ADRA1D: variants seen among roughly 807,000 people sequenced by gnomAD.
ADRA1D encodes alpha-1D adrenergic receptor.
A neutral mutation model predicts 18.6 loss-of-function variants in ADRA1D; 22 were observed. That is an observed-to-expected ratio of 1.19 (90% confidence interval 0.85 to 1.69). The LOEUF is 1.69. Ranked by LOEUF, ADRA1D falls within the 40% of genes most tolerant of loss-of-function variation. ADRA1D has a pLI of 0.00. For missense variants in ADRA1D, 840 were observed against 840.7 expected, an observed-to-expected ratio of 1.00 and a Z score of 0.01; for synonymous variants, 376 against 388.2, an observed-to-expected ratio of 0.97 and a Z score of 0.37.
At chr20:4,237,941 T>C (rs1475855024) in intron 1 of ADRA1D, among the ~76,000 whole-genome samples, 4 of 149,690 alleles carry the variant, frequency 2.7e-5, no homozygotes, top group Non-Finnish European at 4.4e-5. Context: ...CCTGAGAGGA[T>C]ATTCTTTTAA....
At chr20:4,237,092 G>A (rs933697600) in intron 1 of ADRA1D, among the ~76,000 whole-genome samples, 4 of 152,140 alleles carry the variant, frequency 2.6e-5, no homozygotes, top group Admixed American at 6.5e-5. Context: ...GGGTTTGTCT[G>A]GAAATGTGGA....
At chr20:4,235,172 C>T (rs1981061270) in intron 1 of ADRA1D, among the ~76,000 whole-genome samples, 1 of 152,180 alleles carries the variant, frequency 6.6e-6, no homozygotes, top group Non-Finnish European at 1.5e-5. Context: ...GGGTGTAGGT[C>T]AGAAGTCCTT....
intron 1 of ADRA1D, among the ~76,000 whole-genome samples, chr20:4,230,433 G>A (rs760370108): frequency 2.0e-5 from 3 of 152,192 alleles, no homozygotes; most frequent in Admixed American, 6.5e-5. Context: ...CGTCCTGTGC[G>A]GTAGATGTCC....
intron 1 of ADRA1D, among the ~76,000 whole-genome samples, chr20:4,231,071 T>TTC: frequency 1.1e-5 from 1 of 94,216 alleles, no homozygotes; most frequent in African/African-American, 4.4e-5. Flanking sequence ...TCTTTCTCTC[T>TTC]CTCTCTCTCT....
chr20:4,248,759 T>G lies in ADRA1D; in HGVS notation c.199A>C (p.Ser67Arg). Residue 67 changes from serine (S) to arginine (R), a missense_variant, in exon 1 of 2, where the codon AGC becomes CGC. By Grantham distance (110) the Ser-to-Arg change is moderately radical (BLOSUM62 -1). Transcript: ENST00000379453. ...VGAGSGEDNR[S>R]SAGEPGSAGA... The stretch of plus-strand genomic sequence containing the variant: ...GCGCTCCCCGGCTCCCCCGCGGAGC[T>G]CCGGTTGTCCTCGCCGCTGCCTGCG... 6.9e-7 allele frequency: 1 copy of G among 1,452,562 alleles called. No individual in the cohort carries two copies. Among genetic ancestry groups the G allele is most frequent in the South Asian group, 1.4e-5 (1 of 70,660 alleles). The allele number at this position is 1,452,562 out of a possible 1,614,324, so 90.0% of individuals were successfully genotyped here.
In ADRA1D at chr20:4,239,747, C is replaced by T. The variant is rs1981171987; in HGVS notation, c.1111+8100G>A. On this transcript the variant is annotated intron_variant, in intron 1 of 1. Coordinates refer to ENST00000379453, the MANE Select transcript of ADRA1D (RefSeq NM_000678.4). This position sits in a 1 kb window ranked among gnomAD's most constrained non-coding sequence, Gnocchi z 4.9. Reference sequence around the variant, plus strand: ...CATTACCATGGTACTCAAACAGCCTCAGTGGTCACGTCTGGAAAGAATGCT... The same window carrying T: ...CATTACCATGGTACTCAAACAGCCTTAGTGGTCACGTCTGGAAAGAATGCT... Among the ~76,000 whole-genome samples the T allele has an allele frequency of 1.3e-5, 2 of 152,200 alleles. No homozygotes were observed. Among genetic ancestry groups the T allele is most frequent in the Non-Finnish European group, 2.9e-5 (2 of 68,030 alleles).
chr20:4,243,654 G>A (rs1406834381), intron 1 of ADRA1D, among the ~76,000 whole-genome samples: 1 of 152,072 alleles, frequency 6.6e-6, no homozygotes, highest in Non-Finnish European at 1.5e-5. Flanking sequence ...GCATCACCAC[G>A]GAACGTGGGC....
rs769345537 is a variant in ADRA1D at position 4,221,747 on chromosome 20, G to A, written c.1495C>T (p.Leu499=). ...KPPSAFREWR[L]LGPFRRPTTQ... Reference sequence around the variant, plus strand: ...GTGGGTCTCCGGAACGGCCCCAGCAGCCTCCACTCGCGGAAGGCGCTGGGT... The same window carrying A: ...GTGGGTCTCCGGAACGGCCCCAGCAACCTCCACTCGCGGAAGGCGCTGGGT... The change falls in exon 2 of 2, where the codon CTG becomes TTG. Residue 499 remains leucine (L), a synonymous_variant. Transcript: ENST00000379453. 2.5e-5 allele frequency: 40 copies of A among 1,601,574 alleles called. No homozygotes were observed. The East Asian group carries it at 9.0e-4, about 36-fold the overall frequency.
intron 1 of ADRA1D, among the ~76,000 whole-genome samples, chr20:4,228,825 C>T (rs1471016133): frequency 3.3e-5 from 5 of 152,218 alleles, no homozygotes; most frequent in African/African-American, 7.2e-5. Context: ...AAGCCACCCA[C>T]AAGCCTGCCT....
In ADRA1D at chr20:4,247,895, C is replaced by T; in HGVS notation, c.1063G>A (p.Gly355Ser). ...KAAKTLAIVV[G>S]VFVLCWFPFF... ...GGGAACCAGCAGAGCACGAAGACACCCACGACGATGGCCAGAGTCTTGGCC... is the reference window on the plus strand; with the variant it reads ...GGGAACCAGCAGAGCACGAAGACACTCACGACGATGGCCAGAGTCTTGGCC... The change falls in exon 1 of 2, where the codon GGT (glycine) becomes AGT (serine). Residue 355 changes from glycine to serine, a missense_variant. Gly to Ser is a moderately conservative substitution (Grantham distance 56). Transcript: ENST00000379453. 1 of 1,592,992 alleles carries T rather than the reference C, an allele frequency of 6.3e-7. No homozygotes were observed. Among genetic ancestry groups the T allele is most frequent in the Non-Finnish European group, 8.5e-7 (1 of 1,172,264 alleles).
chr20:4,228,369 G>A (rs1202610045), intron 1 of ADRA1D, among the ~76,000 whole-genome samples: 1 of 152,088 alleles, frequency 6.6e-6, no homozygotes, highest in African/African-American at 2.4e-5. Context: ...TTACTGCATC[G>A]CAGGTAGACA....
At chr20:4,226,929 C>T (rs1404363108) in intron 1 of ADRA1D, among the ~76,000 whole-genome samples, 1 of 152,224 alleles carries the variant, frequency 6.6e-6, no homozygotes, top group African/African-American at 2.4e-5. Context: ...TGCTCCAATC[C>T]ACCACCTACA....
chr20:4,246,394 C>G (rs1182316445), intron 1 of ADRA1D, among the ~76,000 whole-genome samples: 2 of 152,186 alleles, frequency 1.3e-5, no homozygotes, highest in Non-Finnish European at 2.9e-5. Context: ...AACATTTAAG[C>G]CAAGACCTAA....
In ADRA1D at chr20:4,221,552, A is replaced by G. The variant is rs774665421; in HGVS notation, c.1690T>C (p.Tyr564His). The change falls in exon 2 of 2, where the codon TAC (tyrosine) becomes CAC (histidine). Residue 564 changes from tyrosine (Y) to histidine (H), a missense_variant. Physicochemically the swap from Tyr to His is moderately conservative, Grantham distance 83. Transcript: ENST00000379453. ...ATCQAYELAD[Y>H]SNLRETDI ...ATATCGGTCTCCCGTAGGTTGCTGT[A>G]GTCGGCCAATTCGTAGGCCTGGCAG... 1 of 1,611,912 alleles carries G rather than the reference A, an allele frequency of 6.2e-7. No individual in the cohort carries two copies. The highest frequency in any genetic ancestry group is 8.5e-7 in the Non-Finnish European group (1 of 1,178,484).
intron 1 of ADRA1D, among the ~76,000 whole-genome samples, chr20:4,240,741 C>T (rs1022344446): frequency 3.9e-5 from 6 of 152,264 alleles, no homozygotes; most frequent in African/African-American, 1.4e-4. Context: ...TTGCGGTAAG[C>T]TGAGATTGCG....
intron 1 of ADRA1D, among the ~76,000 whole-genome samples, chr20:4,229,211 G>A (rs1316670695): frequency 6.6e-6 from 1 of 152,124 alleles, no homozygotes; most frequent in Non-Finnish European, 1.5e-5. Context: ...TGACTTTACA[G>A]CTCAGACCTC....
chr20:4,221,789 C>G lies in ADRA1D; in HGVS notation c.1453G>C (p.Ala485Pro). 6.4e-7 allele frequency: 1 copy of G among 1,571,472 alleles called. No individual in the cohort carries two copies. Among genetic ancestry groups the G allele is most frequent in the Non-Finnish European group, 8.6e-7 (1 of 1,163,342 alleles). The change falls in exon 2 of 2, where the codon GCC (alanine) becomes CCC (proline). Residue 485 changes from alanine to proline, a missense_variant. Coordinates refer to ENST00000379453, the MANE Select transcript of ADRA1D (RefSeq NM_000678.4). ...GCGCTGGGTGGCTTTCGACGGCTGG[C>G]GACCGGAGCCTGCATCTCGGGCGTG... ...PGTPEMQAPV[A>P]SRRKPPSAFR... is the part of the protein sequence containing the mutation.
intron 1 of ADRA1D, among the ~76,000 whole-genome samples, chr20:4,230,909 C>A (rs546807531): frequency 6.3e-4 from 96 of 152,346 alleles, no homozygotes; most frequent in African/African-American, 1.9e-3. Context: ...GCTGTCCTTT[C>A]CCGTGCAACT....
At chr20:4,242,388 C>A (rs1247904691) in intron 1 of ADRA1D, among the ~76,000 whole-genome samples, 1 of 152,200 alleles carries the variant, frequency 6.6e-6, no homozygotes, top group Non-Finnish European at 1.5e-5. Flanking sequence ...ACAGAGCAAC[C>A]CAGCAATACT....
Sources: gnomAD v4.1 joint callset for allele counts (sites outside exome capture counted in the v4.1 genomes callset) on GRCh38, gnomAD v4.1.1 for gene constraint, Gnocchi (gnomAD v3.1) non-coding constraint, MANE v1.5 for transcripts, NCBI Gene and HGNC (gene_info 2026-07-23, HGNC 2026-07-21) for gene names.